PYGL: variants seen among roughly 807,000 people sequenced by gnomAD.
PYGL encodes glycogen phosphorylase L.
Under a neutral mutation model 100.1 loss-of-function variants are expected in PYGL, and 90 were observed. That is an observed-to-expected ratio of 0.90 (90% CI 0.76 to 1.07). The LOEUF is 1.07. PYGL is among the 50% of genes least tolerant of loss of function. The probability of loss-of-function intolerance (pLI) is 0.00; values close to 1 mark genes in which losing one functional copy is unlikely to be tolerated. For missense variants in PYGL, 1,016 were observed against 1,057.6 expected, an observed-to-expected ratio of 0.96 and a Z score of 0.55; for synonymous variants, 373 against 393.0, an observed-to-expected ratio of 0.95 and a Z score of 0.60.
chr14:50,912,213 T>A lies in PYGL; in HGVS notation c.1711A>T (p.Ile571Leu). 6.2e-7 allele frequency: 1 copy of A among 1,614,228 alleles called. No individual in the cohort carries two copies. The highest frequency in any genetic ancestry group is 8.5e-7 in the Non-Finnish European group (1 of 1,180,040). ...SSMFDVQVKR[I>L]HEYKRQLLNC... is the part of the protein sequence containing the mutation. ...AAGAGCTGTCGCTTGTACTCATGTA[T>A]CCTCTTCACCTGGACATCAAACATG... is the stretch of plus-strand genomic sequence containing the variant. Residue 571 changes from isoleucine to leucine, a missense_variant, in exon 14 of 20, where the codon ATA (isoleucine) becomes TTA (leucine). Physicochemically the swap from Ile to Leu is conservative, Grantham distance 5. Coordinates refer to ENST00000216392, the MANE Select transcript of PYGL (RefSeq NM_002863.5).
At chr14:50,934,239 T>C (rs1344612074) in intron 3 of PYGL, among the ~76,000 whole-genome samples, 1 of 152,140 alleles carries the variant, frequency 6.6e-6, no homozygotes, top group African/African-American at 2.4e-5. Flanking sequence ...ATCATACCAA[T>C]AATATTAGTG....
At chr14:50,905,676 G>C (rs2050327445) in intron 19 of PYGL, 120 bp from the exon 20 acceptor site, 1 of 983,204 alleles carries the variant, frequency 1.0e-6, no homozygotes, top group Admixed American at 1.9e-5. Flanking sequence ...ATAAATTATA[G>C]TAAATTACAA....
intron 5 of PYGL, among the ~76,000 whole-genome samples, chr14:50,922,063 T>C (rs1010441127): frequency 6.6e-6 from 1 of 152,252 alleles, no homozygotes; most frequent in Non-Finnish European, 1.5e-5. Context: ...AGATTAACTA[T>C]GTTTCACAGT....
At chr14:50,930,779 C>G (rs1381495418) in intron 4 of PYGL, among the ~76,000 whole-genome samples, 1 of 152,088 alleles carries the variant, frequency 6.6e-6, no homozygotes, top group Non-Finnish European at 1.5e-5. Context: ...GCTCAGAGAG[C>G]TCAAGTTTTT....
chr14:50,924,471 A>T (rs1255626966), intron 4 of PYGL, among the ~76,000 whole-genome samples: 1 of 152,214 alleles, frequency 6.6e-6, no homozygotes, highest in Non-Finnish European at 1.5e-5. Flanking sequence ...GTCCAGCTTC[A>T]GCTAAAGACA....
intron 4 of PYGL, among the ~76,000 whole-genome samples, 199 bp from the exon 5 acceptor site, chr14:50,924,299 G>A (rs1373587171): frequency 6.6e-6 from 1 of 152,098 alleles, no homozygotes; most frequent in Non-Finnish European, 1.5e-5. Context: ...ATGTATTACT[G>A]CATTTAATCC....
At chr14:50,915,610 C>T in intron 10 of PYGL, 111 bp from the exon 11 acceptor site, 2 of 1,468,538 alleles carry the variant, frequency 1.4e-6, no homozygotes, top group South Asian at 1.2e-5. Flanking sequence ...ATAAACTTCA[C>T]TACCACAGGG....
At chr14:50,916,074 C>A in intron 9 of PYGL, 103 bp from the exon 10 acceptor site, 1 of 1,484,396 alleles carries the variant, frequency 6.7e-7, no homozygotes, top group South Asian at 1.1e-5. Flanking sequence ...AGGACCATTC[C>A]AAGTGTGCAT....
rs1380862449 is a variant in PYGL, at chr14:50,905,480, T to C, written c.2456A>G (p.Lys819Arg). ...GTTCCAGATGTTTTGGGCATATTCTTTAATTGTTCGGTCACTGGAGAATTT... is the reference window on the plus strand; with the variant it reads ...GTTCCAGATGTTTTGGGCATATTCTCTAATTGTTCGGTCACTGGAGAATTT... ...SGKFSSDRTI[K>R]EYAQNIWNVE... is the part of the protein sequence containing the mutation. Residue 819 changes from lysine to arginine, a missense_variant, in exon 20 of 20, where the codon AAA (lysine) becomes AGA (arginine). Coordinates refer to ENST00000216392, the MANE Select transcript of PYGL (RefSeq NM_002863.5). The C allele has an allele frequency of 6.2e-7, 1 of 1,613,932 alleles. No individual in the cohort carries two copies. Among genetic ancestry groups the C allele is most frequent in the Non-Finnish European group, 8.5e-7 (1 of 1,179,810 alleles).
chr14:50,909,749 G>A (rs1201436023), intron 17 of PYGL, 146 bp downstream of exon 17: 1 of 893,784 alleles, frequency 1.1e-6, no homozygotes, highest in African/African-American at 1.6e-5. Flanking sequence ...AGGCTCTCCT[G>A]CCTCATCGTG....
chr14:50,930,426 C>T (rs1218951221), intron 4 of PYGL, among the ~76,000 whole-genome samples: 1 of 152,216 alleles, frequency 6.6e-6, no homozygotes, highest in Non-Finnish European at 1.5e-5. Context: ...AGGACCCAGG[C>T]TTCTCTTCTA....
intron 9 of PYGL, 138 bp from the exon 10 acceptor site, chr14:50,916,109 G>A: frequency 1.7e-6 from 2 of 1,198,464 alleles, no homozygotes; most frequent in Admixed American, 2.1e-5. Context: ...ATTCCACTAA[G>A]TTCCTGAATA....
intron 4 of PYGL, 136 bp from the exon 5 acceptor site, chr14:50,924,236 T>G: frequency 1.0e-6 from 1 of 992,774 alleles, no homozygotes; most frequent in Admixed American, 2.3e-5. Flanking sequence ...TTGTAACTTT[T>G]TTACAGCCTA....
intron 4 of PYGL, among the ~76,000 whole-genome samples, chr14:50,926,874 C>T (rs1449377408): frequency 6.6e-6 from 1 of 151,958 alleles, no homozygotes; most frequent in Non-Finnish European, 1.5e-5. Flanking sequence ...TAGGCAAGGG[C>T]CAATTTTGGG....
intron 10 of PYGL, 63 bp downstream of exon 10, chr14:50,915,762 G>C (rs2050441167): frequency 1.1e-5 from 18 of 1,567,028 alleles, no homozygotes; most frequent in Non-Finnish European, 1.5e-5. Flanking sequence ...GAACACTGTA[G>C]CCATCTGTAA....
chr14:50,913,676 A>C (rs1459555173), intron 12 of PYGL, among the ~76,000 whole-genome samples: 1 of 151,770 alleles, frequency 6.6e-6, no homozygotes, highest in East Asian at 1.9e-4. Context: ...ACCCGGCCTA[A>C]AAATTATTTT....
chr14:50,914,768 G>A lies in PYGL; in HGVS notation c.1451C>T (p.Thr484Ile). 2 of 1,614,042 alleles carry A rather than the reference G, an allele frequency of 1.2e-6. No individual in the cohort carries two copies. The highest frequency in any genetic ancestry group is 2.2e-5 in the East Asian group (1 of 44,888). Reference sequence around the variant, plus strand: ...CCAGCGCCTTGGAGTGATCCCATTGGTTTTATTCTGAAACTTGTCAGGTTC... The same window carrying A: ...CCAGCGCCTTGGAGTGATCCCATTGATTTTATTCTGAAACTTGTCAGGTTC... The part of the protein sequence containing the change: ...ELEPDKFQNK[T>I]NGITPRRWLL... Residue 484 changes from threonine (T) to isoleucine (I), a missense_variant, in exon 12 of 20, where the codon ACC (threonine) becomes ATC (isoleucine). By Grantham distance (89) the Thr-to-Ile change is moderately conservative. Coordinates refer to ENST00000216392, the MANE Select transcript of PYGL (RefSeq NM_002863.5).
At position 50,944,177 on chromosome 14, in the gene PYGL, T is replaced by C; in HGVS notation, c.227A>G (p.Tyr76Cys). 6.2e-7 allele frequency: 1 copy of C among 1,607,692 alleles called. No homozygotes were observed. The highest frequency in any genetic ancestry group is 8.5e-7 in the Non-Finnish European group (1 of 1,179,410). Residue 76 changes from tyrosine (Y) to cysteine (C), a missense_variant, in exon 1 of 20, where the codon TAC (tyrosine) becomes TGC (cysteine). Tyr to Cys is a radical substitution (Grantham distance 194). Coordinates refer to ENST00000216392, the MANE Select transcript of PYGL (RefSeq NM_002863.5). Reference protein sequence around the residue: ...GRWIRTQQHYYDKCPKRVYYL... With the variant: ...GRWIRTQQHYCDKCPKRVYYL... ...CCCGGTTACCTTGGGGCACTTGTCGTAGTAGTGCTGCTGCGTGCGGATCCA... is the reference window on the plus strand; with the variant it reads ...CCCGGTTACCTTGGGGCACTTGTCGCAGTAGTGCTGCTGCGTGCGGATCCA...
At chr14:50,927,602 A>G (rs1333777081) in intron 4 of PYGL, among the ~76,000 whole-genome samples, 1 of 152,204 alleles carries the variant, frequency 6.6e-6, no homozygotes, top group Non-Finnish European at 1.5e-5. Flanking sequence ...TTTTCCTGCC[A>G]AGTAAATGAT....
Sources: gnomAD v4.1 joint callset for allele counts (sites outside exome capture counted in the v4.1 genomes callset) on GRCh38, gnomAD v4.1.1 for gene constraint, MANE v1.5 for transcripts, NCBI Gene and HGNC (gene_info 2026-07-23, HGNC 2026-07-21) for gene names.